SLBP: variants seen among roughly 807,000 people sequenced by gnomAD.
The protein encoded by SLBP is stem-loop histone mRNA binding protein.
Under a neutral mutation model 39.2 loss-of-function variants are expected in SLBP, and 29 were observed. That is an observed-to-expected ratio of 0.74 (90% confidence interval 0.55 to 1.01). SLBP has a LOEUF of 1.01. SLBP is among the 50% of genes least tolerant of loss of function. The pLI, the probability that SLBP is intolerant of heterozygous loss-of-function variation, is 0.00. For synonymous variants in SLBP, 129 were observed against 118.7 expected (o/e 1.09, Z -0.57); for missense variants, 390 against 350.2 (o/e 1.11, Z -0.91).
chr4:1,704,793 T>C (rs1164861372), intron 2 of SLBP, among the ~76,000 whole-genome samples: 2 of 152,194 alleles, frequency 1.3e-5, no homozygotes, highest in Non-Finnish European at 2.9e-5. Flanking sequence ...TCCTCCAGGT[T>C]ATCTGGCCAG....
In SLBP at chr4:1,711,870, C is replaced by T; in HGVS notation, c.176+4G>A. 1 of 1,309,822 alleles carries T rather than the reference C, an allele frequency of 7.6e-7. No homozygotes were observed. Among genetic ancestry groups the T allele is most frequent in the Non-Finnish European group, 9.7e-7 (1 of 1,026,236 alleles). 81.1% of individuals were successfully genotyped at this position (1,309,822 alleles called of 1,614,324 possible). On this transcript the variant is annotated splice_donor_region_variant and intron_variant, in intron 2 of 7. Transcript: ENST00000489418. ...GCGCCCCGACCCCCGGGTCCCGCGC[C>T]CACCTCTCGGGTCTGCGCTCGGCGC...
At chr4:1,695,677 A>G (rs1017202638) in intron 6 of SLBP, among the ~76,000 whole-genome samples, 10 of 151,970 alleles carry the variant, frequency 6.6e-5, no homozygotes, top group African/African-American at 2.4e-4. Flanking sequence ...GCTACTCAGG[A>G]GGCTGAGGCA....
At position 1,693,538 on chromosome 4, in the gene SLBP, G is replaced by T; in HGVS notation, c.*59C>A. ...AAGTGCACACACATGCTTGGTGCCT[G>T]GCCAGCCTTCCACCTAGTCGGGGAG... On this transcript the variant is annotated 3_prime_UTR_variant, in exon 8 of 8. Coordinates refer to ENST00000489418, the MANE Select transcript of SLBP (RefSeq NM_006527.4). The T allele has an allele frequency of 2.0e-6, 2 of 985,972 alleles. No individual in the cohort carries two copies. Among genetic ancestry groups the T allele is most frequent in the Non-Finnish European group, 3.3e-6 (2 of 609,320 alleles). The allele number at this position is 985,972 out of a possible 1,614,324, so 61.1% of individuals were successfully genotyped here.
rs767376994 is a variant in SLBP, at chr4:1,696,208, T to G, written c.623A>C (p.Gln208Pro). 6.3e-7 allele frequency: 1 copy of G among 1,589,884 alleles called. No individual in the cohort carries two copies. The highest frequency in any genetic ancestry group is 1.1e-5 in the South Asian group (1 of 87,126). The change falls in exon 6 of 8, where the codon CAA becomes CCA. Residue 208 changes from glutamine (Q) to proline (P), a missense_variant. Coordinates refer to ENST00000489418, the MANE Select transcript of SLBP (RefSeq NM_006527.4). ...DPPAEEGCDL[Q>P]EIHPVDLESA... Reference sequence around the variant, plus strand: ...GAATGCAATAAAGACATACATTTCTTGCAAATCACATCCTTCTTCCGCTGG... The same window carrying G: ...GAATGCAATAAAGACATACATTTCTGGCAAATCACATCCTTCTTCCGCTGG...
At chr4:1,697,021 G>C (rs1716133116) in intron 5 of SLBP, among the ~76,000 whole-genome samples, 1 of 151,832 alleles carries the variant, frequency 6.6e-6, no homozygotes, top group East Asian at 1.9e-4. Flanking sequence ...AGCCAGTCAT[G>C]GTGGCTTATG....
chr4:1,706,704 G>T (rs974959717), intron 2 of SLBP, among the ~76,000 whole-genome samples: 1 of 152,226 alleles, frequency 6.6e-6, no homozygotes, highest in Admixed American at 6.5e-5. Context: ...TACTAGGGAG[G>T]CTGAGGCAGG....
chr4:1,703,712 G>A lies in SLBP; in HGVS notation c.177-12C>T. 6.4e-7 allele frequency: 1 copy of A among 1,550,968 alleles called. No homozygotes were observed. ...CAGGAGTGGTAAAGCTGCAATAAAAGGAAAATGCTACTGAACCATGACACA... is the reference window on the plus strand; with the variant it reads ...CAGGAGTGGTAAAGCTGCAATAAAAAGAAAATGCTACTGAACCATGACACA... On this transcript the variant is annotated splice_polypyrimidine_tract_variant and intron_variant, in intron 2 of 7. Coordinates refer to ENST00000489418, the MANE Select transcript of SLBP (RefSeq NM_006527.4).
chr4:1,706,392 A>G (rs1316126613), intron 2 of SLBP, among the ~76,000 whole-genome samples: 2 of 152,246 alleles, frequency 1.3e-5, no homozygotes, highest in East Asian at 3.8e-4. Flanking sequence ...ATGGAGGAGT[A>G]TATGTCAGAG....
Position 1,694,666 on chromosome 4 carries a change from C to T in SLBP, c.696+108G>A. ...TTGGCCTCCCAAGGTGCTGGGATTA[C>T]AGGCGTGAGCCACCGTGCCCAGTCC... On this transcript the variant is annotated intron_variant, in intron 7 of 7. Coordinates refer to ENST00000489418, the MANE Select transcript of SLBP (RefSeq NM_006527.4). 3.7e-6 allele frequency: 3 copies of T among 803,704 alleles called. No homozygotes were observed. The Admixed American group carries it at 5.5e-5, about 15-fold the overall frequency. The allele number at this position is 803,704 out of a possible 1,614,324, so 49.8% of individuals were successfully genotyped here. A position where few individuals can be genotyped will look rare whatever the true frequency, so the allele number is the denominator to read the frequency against.
At chr4:1,706,828 A>T (rs1045918543) in intron 2 of SLBP, among the ~76,000 whole-genome samples, 1 of 152,020 alleles carries the variant, frequency 6.6e-6, no homozygotes, top group African/African-American at 2.4e-5. Context: ...CGTCTCAAAA[A>T]ATAAATGAAT....
chr4:1,700,565 T>A (rs1716287343), intron 3 of SLBP, among the ~76,000 whole-genome samples: 1 of 117,062 alleles, frequency 8.5e-6, no homozygotes, highest in Non-Finnish European at 2.0e-5. Flanking sequence ...CATGTGAGTA[T>A]CTTTTTTTTT....
intron 3 of SLBP, among the ~76,000 whole-genome samples, chr4:1,701,892 G>GC (rs1166296550): frequency 6.6e-6 from 1 of 152,162 alleles, no homozygotes; most frequent in Non-Finnish European, 1.5e-5. Flanking sequence ...GGGAAACAGA[G>GC]CAAGACTCCA....
chr4:1,693,746 C>A, intron 7 of SLBP, 33 bp from the exon 8 acceptor site: 1 of 1,418,576 alleles, frequency 7.0e-7, no homozygotes, highest in Non-Finnish European at 1.0e-6. Context: ...GGTTGACATT[C>A]ATCTCACCCT....
chr4:1,693,708 C>T lies in SLBP; in HGVS notation c.702G>A (p.Val234=). 6.2e-7 allele frequency: 1 copy of T among 1,605,576 alleles called. No homozygotes were observed. Among genetic ancestry groups the T allele is most frequent in the Non-Finnish European group, 8.5e-7 (1 of 1,172,358 alleles). Reference sequence around the variant, plus strand: ...TCACCTTGGTGGGTGTGCCAGAGTACACATCCTGGAAAACAGAAGCATGGC... The same window carrying T: ...TCACCTTGGTGGGTGTGCCAGAGTATACATCCTGGAAAACAGAAGCATGGC... ...PQTSSQDDFD[V]YSGTPTKVRH... is the part of the protein sequence containing the mutation. The change falls in exon 8 of 8, where the codon GTG becomes GTA. Residue 234 remains valine (V), a synonymous_variant. Coordinates refer to ENST00000489418, the MANE Select transcript of SLBP (RefSeq NM_006527.4).
At chr4:1,710,037 CG>C (rs1716678238) in intron 2 of SLBP, among the ~76,000 whole-genome samples, 1 of 152,186 alleles carries the variant, frequency 6.6e-6, no homozygotes, top group South Asian at 2.1e-4. Flanking sequence ...CTTCTCATTC[CG>C]GGTAAGTGTC....
At chr4:1,709,074 T>C (rs1339472178) in intron 2 of SLBP, among the ~76,000 whole-genome samples, 1 of 152,098 alleles carries the variant, frequency 6.6e-6, no homozygotes, top group Admixed American at 6.5e-5. Flanking sequence ...TTGTCTTTTT[T>C]TTTTTTTTGA....
chr4:1,707,342 C>A (rs1320835546), intron 2 of SLBP, among the ~76,000 whole-genome samples: 1 of 137,072 alleles, frequency 7.3e-6, no homozygotes, highest in Non-Finnish European at 1.6e-5. Flanking sequence ...GCTGTCTCTA[C>A]TAAAAATACA....
At chr4:1,696,377 C>T (rs187362783) in intron 5 of SLBP, 26 bp from the exon 6 acceptor site, 5 of 1,503,082 alleles carry the variant, frequency 3.3e-6, no homozygotes, top group Admixed American at 4.7e-5. Flanking sequence ...TATTCTAGCA[C>T]ATGCCCACAT....
chr4:1,709,772 C>T (rs938518468), intron 2 of SLBP, among the ~76,000 whole-genome samples: 38 of 152,130 alleles, frequency 2.5e-4, no homozygotes, highest in African/African-American at 8.0e-4. Context: ...CTACCACGCC[C>T]GGCTAATTTT....
Sources: allele counts gnomAD v4.1 joint callset (sites outside exome capture counted in the v4.1 genomes callset), GRCh38; gene constraint gnomAD v4.1.1; transcripts MANE v1.5; gene names NCBI Gene and HGNC (gene_info 2026-07-23, HGNC 2026-07-21).